The following EML1 variants were observed in gnomAD, a reference collection of about 807,000 sequenced individuals.
EML1 encodes the protein echinoderm microtubule-associated protein-like 1.
Under a neutral mutation model 110.4 loss-of-function variants are expected in EML1, and 27 were observed. That is an observed-to-expected ratio of 0.24 (90% CI 0.18 to 0.34). EML1 has a LOEUF of 0.34. Ranked by LOEUF, EML1 falls within the 10% of genes least tolerant of loss-of-function variation. EML1 has a pLI of 1.00. For synonymous variants in EML1, 344 were observed against 385.8 expected, an observed-to-expected ratio of 0.89 and a Z score of 1.27; for missense variants, 741 against 1,030.9, an observed-to-expected ratio of 0.72 and a Z score of 3.85.
chr14:99,760,083 C>CAAAA (rs61619098), intron 1 of EML1, among the ~76,000 whole-genome samples: 489 of 47,140 alleles, frequency 0.01, 69 homozygotes, highest in African/African-American at 0.017. Flanking sequence ...GACTCCCTCT[C>CAAAA]AAAAAAAAAA....
rs118151889 is a variant in EML1, at chr14:99,808,530, A to G, written c.67+14987A>G. On this transcript the variant is annotated intron_variant, in intron 1 of 21. Coordinates refer to ENST00000262233, the MANE Select transcript of EML1 (RefSeq NM_004434.3). Reference sequence around the variant, plus strand: ...AACTTCCAGCATTCATGGATCACATATATTATATACGTATTTAGTGAAAAA... The same window carrying G: ...AACTTCCAGCATTCATGGATCACATGTATTATATACGTATTTAGTGAAAAA... Among the ~76,000 whole-genome samples, 373 of 152,310 alleles carry G rather than the reference A, an allele frequency of 2.4e-3. 4 individuals carry two copies. The highest frequency in any genetic ancestry group is 0.019 in the Admixed American group (290 of 15,298).
intron 1 of EML1, among the ~76,000 whole-genome samples, chr14:99,752,219 T>G (rs893931682): frequency 2.0e-5 from 3 of 152,030 alleles, no homozygotes; most frequent in African/African-American, 7.3e-5. Flanking sequence ...GAGAAGCATT[T>G]CCCTTCTTAT....
chr14:99,823,672 C>T (rs115490424), intron 1 of EML1, among the ~76,000 whole-genome samples: 1,544 of 152,048 alleles, frequency 0.01, 30 homozygotes, highest in African/African-American at 0.033. Context: ...GACAACAAAC[C>T]AACAAAACAA....
At chr14:99,902,850 G>A (rs140594435) in intron 9 of EML1, among the ~76,000 whole-genome samples, 1 of 152,194 alleles carries the variant, frequency 6.6e-6, no homozygotes, top group Non-Finnish European at 1.5e-5. Flanking sequence ...CAGGAACCCT[G>A]TACAGGGACT....
chr14:99,780,740 G>A lies in EML1; in HGVS notation c.-27+6727G>A, dbSNP rs140115235. The stretch of plus-strand genomic sequence containing the variant: ...CTTTTCTCTGTTTAGAGATGTTTAC[G>A]TTCACAAATACTTACCATTGTATAA... On this transcript the variant is annotated intron_variant, in intron 1 of 22. Coordinates refer to the EML1 transcript ENST00000327921. Among the ~76,000 whole-genome samples the A allele has an allele frequency of 1.0e-3, 152 of 152,230 alleles. 1 individual carries two copies. Among genetic ancestry groups the A allele is most frequent in the Middle Eastern group, 3.4e-3 (1 of 294 alleles).
At chr14:99,894,830 A>G in intron 6 of EML1, 72 bp downstream of exon 6, 1 of 1,491,568 alleles carries the variant, frequency 6.7e-7, no homozygotes, top group Non-Finnish European at 8.9e-7. Flanking sequence ...AACTGTAGAA[A>G]TTCATAAAAC....
At chr14:99,861,230 C>T (rs770089736) in intron 2 of EML1, among the ~76,000 whole-genome samples, 20 of 152,188 alleles carry the variant, frequency 1.3e-4, no homozygotes, top group Non-Finnish European at 5.9e-5. Flanking sequence ...ATCCTGCAGT[C>T]AGTGGAGTAG....
At chr14:99,747,417 G>A (rs916573014) in intron 1 of EML1, among the ~76,000 whole-genome samples, 1 of 151,992 alleles carries the variant, frequency 6.6e-6, no homozygotes, top group African/African-American at 2.4e-5. Context: ...CAGCTGTCTG[G>A]CCTGATGGGG....
chr14:99,797,886 G>C (rs534564162), intron 1 of EML1, among the ~76,000 whole-genome samples: 11 of 152,304 alleles, frequency 7.2e-5, no homozygotes, highest in African/African-American at 1.7e-4. Context: ...GACAGGGAGT[G>C]GGGAGAGGAT....
chr14:99,828,546 T>A (rs1184052427), intron 1 of EML1, among the ~76,000 whole-genome samples: 4 of 152,220 alleles, frequency 2.6e-5, no homozygotes, highest in Non-Finnish European at 4.4e-5. Flanking sequence ...TATTACTTAA[T>A]CTCTTACAGT....
At chr14:99,814,527 A>G (rs995417073) in intron 1 of EML1, among the ~76,000 whole-genome samples, 2 of 152,128 alleles carry the variant, frequency 1.3e-5, no homozygotes, top group Admixed American at 6.5e-5. Context: ...GGCCTGCCGA[A>G]GTGCTGAGGT....
intron 1 of EML1, among the ~76,000 whole-genome samples, chr14:99,747,016 G>A (rs1029771626): frequency 3.3e-5 from 5 of 152,036 alleles, no homozygotes; most frequent in African/African-American, 9.7e-5. Flanking sequence ...CAGATACCCA[G>A]GATAAGCATG....
chr14:99,763,283 A>G (rs1236923670), intron 1 of EML1, among the ~76,000 whole-genome samples: 1 of 152,184 alleles, frequency 6.6e-6, no homozygotes, highest in African/African-American at 2.4e-5. Context: ...CAACTAATAC[A>G]GTGTGTCTGA....
chr14:99,738,698 A>C (rs2056999041), intron 1 of EML1, among the ~76,000 whole-genome samples: 1 of 152,208 alleles, frequency 6.6e-6, no homozygotes, highest in Admixed American at 6.5e-5. Flanking sequence ...ATGGCTGTGA[A>C]AATTAAATTT....
chr14:99,817,213 G>A (rs78540652), intron 1 of EML1, among the ~76,000 whole-genome samples: 2,229 of 152,256 alleles, frequency 0.015, 49 homozygotes, highest in African/African-American at 0.05. Context: ...ACACTCAGGT[G>A]TGAAGAACCC....
chr14:99,838,931 G>GTGTGCA (rs57809552), intron 1 of EML1: 2 of 72,146 alleles, frequency 2.8e-5, no homozygotes, highest in African/African-American at 1.1e-4. Flanking sequence ...GTGTGTGTGT[G>GTGTGCA]CGCGCGCGCG....
rs114022553 is a variant in EML1 at position 99,826,043 on chromosome 14, G to C, written c.68-24810G>C. 2.6e-3 allele frequency among the ~76,000 whole-genome samples: 395 copies of C among 150,834 alleles called. 2 individuals are homozygous for C. The highest frequency in any genetic ancestry group is 8.8e-3 in the African/African-American group (360 of 41,044). On this transcript the variant is annotated intron_variant, in intron 1 of 21. Transcript: ENST00000262233. Reference sequence around the variant, plus strand: ...TTGTGTTGGCTTAATGTGAGTTCTTGTGAGGTTGACCTTTGTATGTTTTGA... The same window carrying C: ...TTGTGTTGGCTTAATGTGAGTTCTTCTGAGGTTGACCTTTGTATGTTTTGA...
chr14:99,849,359 AAT>A (rs1047788714), intron 1 of EML1, among the ~76,000 whole-genome samples: 4 of 151,980 alleles, frequency 2.6e-5, no homozygotes, highest in African/African-American at 7.3e-5. Context: ...TTTTGTATTT[AAT>A]ATGTCATTTT....
At chr14:99,855,843 G>A (rs1454393419) in intron 2 of EML1, among the ~76,000 whole-genome samples, 2 of 152,148 alleles carry the variant, frequency 1.3e-5, no homozygotes, top group Non-Finnish European at 2.9e-5. Context: ...TGTTGGGGAG[G>A]TTAATAAGCA....
Sources: allele counts gnomAD v4.1 joint callset (sites outside exome capture counted in the v4.1 genomes callset), GRCh38; gene constraint gnomAD v4.1.1; transcripts MANE v1.5; gene names NCBI Gene and HGNC (gene_info 2026-07-23, HGNC 2026-07-21).